The following TYW1B variants were observed in gnomAD, a reference collection of about 807,000 sequenced individuals.
TYW1B encodes S-adenosyl-L-methionine-dependent tRNA 4-demethylwyosine synthase TYW1B.
A neutral mutation model predicts 86.9 loss-of-function variants in TYW1B; 73 were observed. That is an observed-to-expected ratio of 0.84 (90% CI 0.70 to 1.02). The LOEUF (loss-of-function observed/expected upper bound fraction) is 1.02, where lower values mean the gene tolerates loss of function less well. Among genes scored for constraint, TYW1B ranks in the 50% least tolerant of loss-of-function variants. TYW1B has a pLI of 0.00. For synonymous variants in TYW1B, 248 were observed against 292.8 expected (o/e 0.85, Z 1.56); for missense variants, 637 against 827.4 (o/e 0.77, Z 2.82).
chr7:72,697,292 T>C (rs781809021), intron 10 of TYW1B, among the ~76,000 whole-genome samples: 2 of 152,012 alleles, frequency 1.3e-5, no homozygotes, highest in Non-Finnish European at 2.9e-5. Context: ...TTCTAGCCTA[T>C]ACTAGATGTC....
intron 13 of TYW1B, among the ~76,000 whole-genome samples, chr7:72,586,424 CAT>C (rs1234093207): frequency 1.3e-5 from 2 of 152,166 alleles, no homozygotes; most frequent in Non-Finnish European, 2.9e-5. Flanking sequence ...CATATGAAAT[CAT>C]TTGGTTGGCA....
intron 6 of TYW1B, among the ~76,000 whole-genome samples, chr7:72,782,079 T>C (rs1479129569): frequency 2.6e-5 from 4 of 151,716 alleles, no homozygotes; most frequent in African/African-American, 9.7e-5. Flanking sequence ...AGCCGAGGAG[T>C]TGGAAACCAG....
chr7:72,619,541 T>C (rs1316304766), intron 12 of TYW1B, among the ~76,000 whole-genome samples: 2 of 148,830 alleles, frequency 1.3e-5, no homozygotes, highest in African/African-American at 5.0e-5. Context: ...CTCGGGAGGC[T>C]GAGGCAGGAG....
chr7:72,589,443 GA>G (rs1811345785), intron 13 of TYW1B, among the ~76,000 whole-genome samples: 1 of 152,208 alleles, frequency 6.6e-6, no homozygotes, highest in South Asian at 2.1e-4. Flanking sequence ...TCAAGAAAGT[GA>G]AATAAAGATG....
intron 12 of TYW1B, among the ~76,000 whole-genome samples, chr7:72,623,807 T>C (rs1554438347): frequency 2.0e-5 from 3 of 152,194 alleles, no homozygotes; most frequent in Non-Finnish European, 4.4e-5. Flanking sequence ...TTGTTATTTA[T>C]TAATTTTTTT....
intron 8 of TYW1B, among the ~76,000 whole-genome samples, chr7:72,739,885 A>G (rs1554461741): frequency 7.1e-6 from 1 of 139,908 alleles, no homozygotes. Flanking sequence ...GGCTCAGCAC[A>G]AGCAGGAAGC....
At chr7:72,606,377 T>C (rs1402871524) in intron 13 of TYW1B, among the ~76,000 whole-genome samples, 1 of 152,116 alleles carries the variant, frequency 6.6e-6, no homozygotes, top group Non-Finnish European at 1.5e-5. Context: ...CACCTGGTTA[T>C]AACGAGGCAC....
chr7:72,692,941 T>C (rs1814208835), intron 11 of TYW1B, among the ~76,000 whole-genome samples: 1 of 151,752 alleles, frequency 6.6e-6, no homozygotes, highest in South Asian at 2.1e-4. Flanking sequence ...GGCCAGACAG[T>C]GATGGGTTAG....
At chr7:72,690,128 A>C (rs1554450067) in intron 11 of TYW1B, among the ~76,000 whole-genome samples, 1 of 152,222 alleles carries the variant, frequency 6.6e-6, no homozygotes, top group African/African-American at 2.4e-5. Context: ...ATGAGGTTTC[A>C]AGAATGTTAA....
chr7:72,631,796 C>G (rs3015879), intron 11 of TYW1B, among the ~76,000 whole-genome samples: 68,257 of 151,702 alleles, frequency 0.45, 17,415 homozygotes, highest in African/African-American at 0.7. Flanking sequence ...GTTAAATGTG[C>G]ACACAGGGGC....
chr7:72,714,559 G>T (rs1786741589), intron 9 of TYW1B, among the ~76,000 whole-genome samples: 1 of 152,016 alleles, frequency 6.6e-6, no homozygotes. Context: ...GGAGATTGAG[G>T]CTGCAGTGAA....
At chr7:72,638,240 T>TG (rs1812719573) in intron 11 of TYW1B, among the ~76,000 whole-genome samples, 1 of 151,778 alleles carries the variant, frequency 6.6e-6, no homozygotes, top group Non-Finnish European at 1.5e-5. Flanking sequence ...AGACCAGCAC[T>TG]GTGCAATAGA....
At chr7:72,699,887 T>C (rs1814420177) in intron 10 of TYW1B, among the ~76,000 whole-genome samples, 2 of 152,050 alleles carry the variant, frequency 1.3e-5, no homozygotes, top group Non-Finnish European at 2.9e-5. Context: ...TGGCCTCAGG[T>C]GATCTGCCTG....
At position 72,771,535 on chromosome 7, in the gene TYW1B, A is replaced by C. The variant is rs116567204; in HGVS notation, c.964+5881T>G. ...AAATTTATTGACAGTGTATAATAATAGCTATTTAAAAGTTGCATGTAATAG... is the reference window on the plus strand; with the variant it reads ...AAATTTATTGACAGTGTATAATAATCGCTATTTAAAAGTTGCATGTAATAG... On this transcript the variant is annotated intron_variant, in intron 7 of 13. Coordinates refer to ENST00000620995, the MANE Select transcript of TYW1B (RefSeq NM_001145440.3). Among the ~76,000 whole-genome samples the C allele has an allele frequency of 5.7e-3, 873 of 152,316 alleles. 8 individuals are homozygous for C. Among genetic ancestry groups the C allele is most frequent in the African/African-American group, 0.02 (832 of 41,580 alleles).
intron 10 of TYW1B, among the ~76,000 whole-genome samples, chr7:72,703,006 A>C (rs1368034810): frequency 0.13 from 3,040 of 23,998 alleles, 216 homozygotes; most frequent in African/African-American, 0.19. Flanking sequence ...ATATATATAT[A>C]TATATATATA....
At chr7:72,702,724 G>C (rs1306647668) in intron 10 of TYW1B, among the ~76,000 whole-genome samples, 1 of 151,874 alleles carries the variant, frequency 6.6e-6, no homozygotes, top group African/African-American at 2.4e-5. Flanking sequence ...AGTGAGAATG[G>C]AATATAACAA....
chr7:72,704,433 T>TAAAA (rs1162253814), intron 10 of TYW1B, among the ~76,000 whole-genome samples: 1 of 93,220 alleles, frequency 1.1e-5, no homozygotes, highest in African/African-American at 4.3e-5. Flanking sequence ...GATTCTATCT[T>TAAAA]AAAAAAAAAA....
chr7:72,772,433 G>C (rs1477596727), intron 7 of TYW1B, among the ~76,000 whole-genome samples: 57 of 152,284 alleles, frequency 3.7e-4, no homozygotes, highest in African/African-American at 1.3e-3. Context: ...AGTAATCTTT[G>C]AAAGAAGATG....
chr7:72,611,576 T>G (rs1554435938), intron 13 of TYW1B, among the ~76,000 whole-genome samples: 1 of 152,154 alleles, frequency 6.6e-6, no homozygotes, highest in East Asian at 1.9e-4. Flanking sequence ...TCCCCAGCCA[T>G]GTGGAACTGT....
Sources: allele counts gnomAD v4.1 joint callset (sites outside exome capture counted in the v4.1 genomes callset), GRCh38; gene constraint gnomAD v4.1.1; transcripts MANE v1.5; gene names NCBI Gene and HGNC (gene_info 2026-07-23, HGNC 2026-07-21).